Variants in LRMDA observed in about 807,000 individuals in gnomAD.
The protein encoded by LRMDA is leucine-rich melanocyte differentiation-associated protein.
A neutral mutation model predicts 29.8 loss-of-function variants in LRMDA; 18 were observed. The observed-to-expected ratio is 0.60, with a 90% CI of 0.42 to 0.90. The LOEUF (loss-of-function observed/expected upper bound fraction) is 0.90, where lower values mean the gene tolerates loss of function less well. Ranked by LOEUF, LRMDA falls within the 40% of genes least tolerant of loss-of-function variation. The probability of loss-of-function intolerance (pLI) is 0.00; values close to 1 mark genes in which losing one functional copy is unlikely to be tolerated. For synonymous variants in LRMDA, 125 were observed against 109.4 expected (o/e 1.14, Z -0.89); for missense variants, 273 against 273.9 (o/e 1.00, Z 0.02).
chr10:76,120,663 A>G (rs1849769595), intron 5 of LRMDA, among the ~76,000 whole-genome samples: 1 of 152,212 alleles, frequency 6.6e-6, no homozygotes, highest in South Asian at 2.1e-4. Context: ...TAGAAAGACC[A>G]AAACAGTATG....
chr10:76,206,757 C>T (rs978979577), intron 5 of LRMDA, among the ~76,000 whole-genome samples: 1 of 152,154 alleles, frequency 6.6e-6, no homozygotes, highest in African/African-American at 2.4e-5. Flanking sequence ...ACCACTTTCC[C>T]CTCTCATGCC....
intron 5 of LRMDA, among the ~76,000 whole-genome samples, chr10:76,068,691 G>T (rs369648692): frequency 6.6e-6 from 1 of 152,204 alleles, no homozygotes; most frequent in Non-Finnish European, 1.5e-5. Context: ...CGGGATTGGT[G>T]TTGGAGACCC....
At chr10:76,268,472 C>A (rs1197196194) in intron 5 of LRMDA, among the ~76,000 whole-genome samples, 1 of 152,138 alleles carries the variant, frequency 6.6e-6, no homozygotes, top group Admixed American at 6.5e-5. Flanking sequence ...TCTCTCTTTT[C>A]ACTTCTCTCA....
At chr10:76,232,574 G>T (rs1195157804) in intron 5 of LRMDA, among the ~76,000 whole-genome samples, 1 of 152,208 alleles carries the variant, frequency 6.6e-6, no homozygotes. Context: ...GCAAGCTGGA[G>T]ACCTCTGGCC....
At chr10:75,542,562 A>C (rs1230966230) in intron 2 of LRMDA, among the ~76,000 whole-genome samples, 1 of 152,214 alleles carries the variant, frequency 6.6e-6, no homozygotes, top group Non-Finnish European at 1.5e-5. Flanking sequence ...CAAATAGAGA[A>C]AAAGAAGTTT....
intron 2 of LRMDA, among the ~76,000 whole-genome samples, chr10:76,004,280 C>A (rs1238549455): frequency 6.6e-6 from 1 of 152,098 alleles, no homozygotes; most frequent in Non-Finnish European, 1.5e-5. Flanking sequence ...ATGGTATAGT[C>A]CGAACTTAGA....
chr10:75,501,081 G>T (rs1165168365), intron 2 of LRMDA, among the ~76,000 whole-genome samples: 1 of 152,226 alleles, frequency 6.6e-6, no homozygotes, highest in Non-Finnish European at 1.5e-5. Flanking sequence ...AGGAATGCAA[G>T]TCTAGGCTTT....
intron 2 of LRMDA, among the ~76,000 whole-genome samples, chr10:75,857,274 T>C (rs563658861): frequency 1.3e-5 from 2 of 152,222 alleles, no homozygotes; most frequent in South Asian, 2.1e-4. Context: ...ACTTGGCGGG[T>C]TGGGGGCCAG....
At chr10:75,884,245 T>TTGTGTGTGTGTGTGTGTG (rs57507869) in intron 2 of LRMDA, among the ~76,000 whole-genome samples, 25 of 109,568 alleles carry the variant, frequency 2.3e-4, no homozygotes, top group Admixed American at 1.1e-3. Flanking sequence ...GCAGGCGACT[T>TTGTGTGTGTGTGTGTGTG]TGTGTGTGTG....
At chr10:75,742,166 G>A (rs750478369) in intron 2 of LRMDA, among the ~76,000 whole-genome samples, 5 of 152,214 alleles carry the variant, frequency 3.3e-5, no homozygotes, top group Non-Finnish European at 7.3e-5. Context: ...AAAAATCTCT[G>A]TAAGATGCAC....
At chr10:76,368,229 G>A (rs1841414712) in intron 6 of LRMDA, among the ~76,000 whole-genome samples, 1 of 152,080 alleles carries the variant, frequency 6.6e-6, no homozygotes. Flanking sequence ...TTTGATGTAG[G>A]CGTTTAGGGC....
intron 6 of LRMDA, among the ~76,000 whole-genome samples, chr10:76,488,155 A>G (rs1842800456): frequency 6.6e-6 from 1 of 151,824 alleles, no homozygotes; most frequent in Non-Finnish European, 1.5e-5. Flanking sequence ...ATTTTATAAC[A>G]CTAGAAGAAA....
In LRMDA at chr10:75,894,846, G is replaced by GTGTGCTAAGA. The variant is rs1845556622; in HGVS notation, c.132-141161_132-141160insGTGCTAAGAT. On this transcript the variant is annotated intron_variant, in intron 2 of 6. Transcript: ENST00000611255. ...AGAAAAAACAACTTTTAGATCATCAGTAAACAACTGAGTGTGCTAAGTACT... is the reference window on the plus strand; with the variant it reads ...AGAAAAAACAACTTTTAGATCATCAGTGTGCTAAGATAAACAACTGAGTGTGCTAAGTACT... Among the ~76,000 whole-genome samples the GTGTGCTAAGA allele has an allele frequency of 3.3e-5, 5 of 152,278 alleles. No individual in the cohort carries two copies. In the South Asian group the frequency reaches 1.0e-3, roughly 32 times the overall value.
At chr10:75,687,746 A>T (rs1842100053) in intron 2 of LRMDA, among the ~76,000 whole-genome samples, 1 of 152,238 alleles carries the variant, frequency 6.6e-6, no homozygotes. Context: ...AGAGAGGAGA[A>T]GTGAATGCCT....
At chr10:75,931,683 T>G (rs1204447694) in intron 2 of LRMDA, among the ~76,000 whole-genome samples, 1 of 152,150 alleles carries the variant, frequency 6.6e-6, no homozygotes, top group Non-Finnish European at 1.5e-5. Context: ...GGTGCATCAG[T>G]GAGACTCTTT....
intron 5 of LRMDA, among the ~76,000 whole-genome samples, chr10:76,181,700 A>G (rs1411799642): frequency 2.0e-5 from 3 of 152,258 alleles, no homozygotes; most frequent in African/African-American, 7.2e-5. Flanking sequence ...ATAAATCAGA[A>G]CTATTTATGG....
chr10:75,903,121 C>T (rs986847943), intron 2 of LRMDA, among the ~76,000 whole-genome samples: 1 of 152,220 alleles, frequency 6.6e-6, no homozygotes. Context: ...TTAAAATCAA[C>T]GTATCTTGCT....
chr10:76,220,445 C>A (rs1021927940), intron 5 of LRMDA, among the ~76,000 whole-genome samples: 15 of 152,196 alleles, frequency 9.9e-5, no homozygotes, highest in African/African-American at 3.1e-4. Context: ...GATATCACCA[C>A]CGATCCCACA....
At chr10:75,541,350 G>T (rs1840012615) in intron 2 of LRMDA, among the ~76,000 whole-genome samples, 1 of 150,812 alleles carries the variant, frequency 6.6e-6, no homozygotes, top group Non-Finnish European at 1.5e-5. Flanking sequence ...AATGTTATGG[G>T]AATATTTGTT....
Sources: allele counts gnomAD v4.1 joint callset (sites outside exome capture counted in the v4.1 genomes callset), GRCh38; gene constraint gnomAD v4.1.1; transcripts MANE v1.5; gene names NCBI Gene and HGNC (gene_info 2026-07-23, HGNC 2026-07-21).